TENM3: variants seen among roughly 807,000 people sequenced by gnomAD.
TENM3 encodes teneurin-3.
TENM3 carries 63 observed loss-of-function variants against 255.1 expected under a neutral mutation model. The observed-to-expected ratio is 0.25, with a 90% confidence interval of 0.20 to 0.30. The LOEUF (loss-of-function observed/expected upper bound fraction) is 0.30. TENM3 is among the 10% of genes least tolerant of loss of function. The pLI, the probability that TENM3 is intolerant of heterozygous loss-of-function variation, is 1.00. For missense variants in TENM3, 2,929 were observed against 3,461.1 expected (o/e 0.85, Z 3.86); for synonymous variants, 1,306 against 1,322.3 (o/e 0.99, Z 0.27).
chr4:182,220,891 GAGAGATT>G (rs1466088212), intron 1 of TENM3, among the ~76,000 whole-genome samples: 1 of 152,106 alleles, frequency 6.6e-6, no homozygotes, highest in African/African-American at 2.4e-5. Context: ...TTTTCTTCTG[GAGAGATT>G]ATTGTAAGTG....
At chr4:182,693,950 A>T (rs887993722) in intron 12 of TENM3, among the ~76,000 whole-genome samples, 1 of 152,186 alleles carries the variant, frequency 6.6e-6, no homozygotes, top group Admixed American at 6.5e-5. Flanking sequence ...AGAACAACAG[A>T]ACAAAACTCC....
chr4:181,618,578 A>G, the TENM3 span, among the ~76,000 whole-genome samples: 1 of 152,200 alleles, frequency 6.6e-6, no homozygotes, highest in Non-Finnish European at 1.5e-5. Context: ...CAATTTGGAA[A>G]ATTCAGAAGT....
intron 3 of TENM3, among the ~76,000 whole-genome samples, chr4:182,381,475 G>T (rs1178935020): frequency 6.6e-6 from 1 of 151,960 alleles, no homozygotes. Flanking sequence ...TTCCCCCTAG[G>T]GCCTGAGATT....
chr4:182,747,864 A>G (rs1561194679), intron 19 of TENM3, among the ~76,000 whole-genome samples: 1 of 152,212 alleles, frequency 6.6e-6, no homozygotes, highest in African/African-American at 2.4e-5. Context: ...GCAATATTCT[A>G]AACAGTCTTT....
intron 3 of TENM3, among the ~76,000 whole-genome samples, chr4:182,591,397 C>T: frequency 6.6e-6 from 1 of 152,148 alleles, no homozygotes; most frequent in Non-Finnish European, 1.5e-5. Context: ...CTGAGTAATA[C>T]CTTCTAGGCA....
the TENM3 span, among the ~76,000 whole-genome samples, chr4:181,715,493 A>T: frequency 6.6e-6 from 1 of 152,226 alleles, no homozygotes; most frequent in South Asian, 2.1e-4. Flanking sequence ...TATAAATATT[A>T]TACTTTTATG....
chr4:182,342,933 G>A (rs1764578926), intron 2 of TENM3, among the ~76,000 whole-genome samples: 1 of 152,136 alleles, frequency 6.6e-6, no homozygotes, highest in Non-Finnish European at 1.5e-5. Context: ...AAATTTCTAT[G>A]AGAAAAAGAA....
the TENM3 span, among the ~76,000 whole-genome samples, chr4:181,727,011 G>A: frequency 1.3e-5 from 2 of 152,286 alleles, no homozygotes; most frequent in East Asian, 1.9e-4. Context: ...AGAGGTATGC[G>A]GGGAGGGACG....
the TENM3 span, among the ~76,000 whole-genome samples, chr4:182,062,604 C>A: frequency 6.6e-6 from 1 of 152,116 alleles, no homozygotes; most frequent in Non-Finnish European, 1.5e-5. Context: ...CCAAAGAAAG[C>A]AATGGGGTTA....
the TENM3 span, among the ~76,000 whole-genome samples, chr4:182,030,555 A>G: frequency 6.6e-6 from 1 of 152,120 alleles, no homozygotes; most frequent in African/African-American, 2.4e-5. Context: ...CTGTGCATGT[A>G]TCTTTATAAT....
chr4:182,138,338 G>C, the TENM3 span, among the ~76,000 whole-genome samples: 1 of 152,164 alleles, frequency 6.6e-6, no homozygotes, highest in Admixed American at 6.5e-5. Flanking sequence ...GAATTTGTCA[G>C]GACATATACA....
intron 3 of TENM3, among the ~76,000 whole-genome samples, chr4:182,512,697 T>C (rs567371223): frequency 6.6e-6 from 1 of 152,324 alleles, no homozygotes; most frequent in East Asian, 1.9e-4. Context: ...GGGAGTGATA[T>C]CCAGATAGTC....
intron 16 of TENM3, among the ~76,000 whole-genome samples, chr4:182,734,430 A>G (rs1409200774): frequency 6.6e-6 from 1 of 152,208 alleles, no homozygotes; most frequent in African/African-American, 2.4e-5. Flanking sequence ...AGTTAACTCA[A>G]GTGGCAAAAC....
At chr4:182,497,843 AATACATATATATATAT>A in intron 3 of TENM3, among the ~76,000 whole-genome samples, 1 of 90,146 alleles carries the variant, frequency 1.1e-5, no homozygotes, top group Middle Eastern at 5.4e-3. Context: ...CTCTACTAAA[AATACATATATATATAT>A]ATATATATAT....
the TENM3 span, among the ~76,000 whole-genome samples, chr4:182,073,825 G>T: frequency 6.6e-6 from 1 of 152,048 alleles, no homozygotes; most frequent in Non-Finnish European, 1.5e-5. Flanking sequence ...TTTGGCTCAG[G>T]CATCATGAAA....
At chr4:182,015,978 G>A in the TENM3 span, among the ~76,000 whole-genome samples, 3 of 152,142 alleles carry the variant, frequency 2.0e-5, no homozygotes, top group South Asian at 6.2e-4. Flanking sequence ...ATATCATTAA[G>A]CTTGTATCAA....
At chr4:181,510,561 A>ATT in the TENM3 span, among the ~76,000 whole-genome samples, 1 of 151,562 alleles carries the variant, frequency 6.6e-6, no homozygotes, top group Non-Finnish European at 1.5e-5. Context: ...ATAACCACAC[A>ATT]TTTTTTTTAA....
intron 2 of TENM3, among the ~76,000 whole-genome samples, chr4:182,332,517 A>AC (rs1208987105): frequency 6.6e-6 from 1 of 151,874 alleles, no homozygotes; most frequent in Non-Finnish European, 1.5e-5. Context: ...ACATGGAGAA[A>AC]CCCCCATCTC....
chr4:182,362,132 G>A (rs1370555714), intron 3 of TENM3, among the ~76,000 whole-genome samples: 1 of 152,192 alleles, frequency 6.6e-6, no homozygotes, highest in Non-Finnish European at 1.5e-5. Flanking sequence ...CCCCTACTGG[G>A]GGGTGCCTCC....
Sources: allele counts gnomAD v4.1 joint callset (sites outside exome capture counted in the v4.1 genomes callset), GRCh38; gene constraint gnomAD v4.1.1; transcripts MANE v1.5; gene names NCBI Gene and HGNC (gene_info 2026-07-23, HGNC 2026-07-21).